Variants in MYO1D observed in about 807,000 individuals in gnomAD.
MYO1D encodes the protein myosin ID.
MYO1D carries 83 observed loss-of-function variants against 122.0 expected under a neutral mutation model. The observed-to-expected ratio is 0.68, with a 90% CI of 0.57 to 0.82. The LOEUF (loss-of-function observed/expected upper bound fraction) is 0.82. Among genes scored for constraint, MYO1D ranks in the 40% least tolerant of loss-of-function variants. The pLI is 0.00. For synonymous variants in MYO1D, 464 were observed against 446.9 expected (o/e 1.04, Z -0.48); for missense variants, 1,157 against 1,269.5 (o/e 0.91, Z 1.35).
intron 21 of MYO1D, among the ~76,000 whole-genome samples, chr17:32,600,985 T>C (rs2087555820): frequency 6.6e-6 from 1 of 151,850 alleles, no homozygotes; most frequent in African/African-American, 2.4e-5. Context: ...AAGGTCTTGT[T>C]CTGTCACCCA....
intron 20 of MYO1D, among the ~76,000 whole-genome samples, chr17:32,626,952 T>C (rs1370294991): frequency 6.6e-6 from 1 of 152,102 alleles, no homozygotes; most frequent in East Asian, 1.9e-4. Context: ...GCCATCAGAA[T>C]AAGAAAAAAA....
chr17:32,863,572 T>C (rs2091096280), intron 1 of MYO1D, among the ~76,000 whole-genome samples: 1 of 152,240 alleles, frequency 6.6e-6, no homozygotes, highest in South Asian at 2.1e-4. Flanking sequence ...TTTTAAAAGT[T>C]AATTTAGATC....
chr17:32,517,042 C>T (rs1909916963), intron 21 of MYO1D, among the ~76,000 whole-genome samples: 1 of 152,352 alleles, frequency 6.6e-6, no homozygotes, highest in South Asian at 2.1e-4. Context: ...GACACCACTG[C>T]TTTCTAAAGA....
intron 19 of MYO1D, among the ~76,000 whole-genome samples, chr17:32,652,827 C>T (rs941239922): frequency 6.6e-6 from 1 of 152,138 alleles, no homozygotes; most frequent in Non-Finnish European, 1.5e-5. Context: ...CTTCCTCTCC[C>T]AAACCCTGTT....
intron 1 of MYO1D, among the ~76,000 whole-genome samples, chr17:32,869,212 C>T (rs1196029338): frequency 1.3e-5 from 2 of 149,608 alleles, no homozygotes; most frequent in African/African-American, 5.1e-5. Context: ...GAGCGAGGCC[C>T]TGTCTCAAAA....
chr17:32,745,855 G>C (rs756582909), intron 12 of MYO1D, among the ~76,000 whole-genome samples: 1 of 152,192 alleles, frequency 6.6e-6, no homozygotes, highest in Non-Finnish European at 1.5e-5. Flanking sequence ...GTAAGGTCTT[G>C]AAAGTCCAGC....
At chr17:32,678,169 G>T (rs1199492552) in intron 16 of MYO1D, among the ~76,000 whole-genome samples, 1 of 151,826 alleles carries the variant, frequency 6.6e-6, no homozygotes, top group African/African-American at 2.4e-5. Context: ...TTTTCCTAGG[G>T]TTAAATCCTT....
chr17:32,668,667 G>A (rs1281063977), intron 16 of MYO1D, among the ~76,000 whole-genome samples: 1 of 151,638 alleles, frequency 6.6e-6, no homozygotes, highest in Non-Finnish European at 1.5e-5. Context: ...GATTCATGGT[G>A]TACATTAGCA....
At chr17:32,656,616 G>A (rs1009944175) in intron 17 of MYO1D, among the ~76,000 whole-genome samples, 2 of 152,204 alleles carry the variant, frequency 1.3e-5, no homozygotes, top group African/African-American at 2.4e-5. Flanking sequence ...CAACAACCAT[G>A]AAGAAGTCAT....
At chr17:32,619,118 A>G (rs1427705821) in intron 20 of MYO1D, among the ~76,000 whole-genome samples, 1 of 152,164 alleles carries the variant, frequency 6.6e-6, no homozygotes, top group Non-Finnish European at 1.5e-5. Flanking sequence ...AATCCCAAAT[A>G]GACTGCTCTG....
chr17:32,755,716 T>G, intron 10 of MYO1D, 54 bp from the exon 11 acceptor site: 278 of 1,493,860 alleles, frequency 1.9e-4, no homozygotes, highest in Non-Finnish European at 2.3e-4. Context: ...CAGGCCAGGT[T>G]AAACCCTGAT....
At chr17:32,703,149 A>G (rs544706108) in intron 16 of MYO1D, among the ~76,000 whole-genome samples, 5 of 152,298 alleles carry the variant, frequency 3.3e-5, no homozygotes, top group African/African-American at 1.2e-4. Context: ...TCCTAGAGCT[A>G]CAATCAAAGC....
intron 21 of MYO1D, among the ~76,000 whole-genome samples, chr17:32,521,509 T>A (rs1910137511): frequency 6.6e-6 from 1 of 152,234 alleles, no homozygotes; most frequent in African/African-American, 2.4e-5. Context: ...TTAGTAGCCA[T>A]AGCGTCAAGG....
intron 7 of MYO1D, 28 bp downstream of exon 7, chr17:32,767,608 A>G (rs373134865): frequency 1.7e-5 from 24 of 1,429,718 alleles, no homozygotes; most frequent in Non-Finnish European, 2.1e-5. Context: ...GCAGAAGACA[A>G]TACATTCTGA....
chr17:32,582,453 T>C (rs946971894), intron 21 of MYO1D, among the ~76,000 whole-genome samples: 1 of 152,220 alleles, frequency 6.6e-6, no homozygotes, highest in Non-Finnish European at 1.5e-5. Context: ...TGGCTCCCAA[T>C]TATTTAGGAA....
chr17:32,772,691 A>G (rs937294688), intron 5 of MYO1D, 98 bp downstream of exon 5: 3 of 972,542 alleles, frequency 3.1e-6, no homozygotes, highest in African/African-American at 1.6e-5. Flanking sequence ...GCCAATGGAG[A>G]TGAGTGATGC....
At position 32,826,439 on chromosome 17, in the gene MYO1D, T is replaced by A. The variant is rs140553544; in HGVS notation, c.96-45655A>T. Among the ~76,000 whole-genome samples the A allele has an allele frequency of 7.2e-5, 11 of 152,328 alleles. No individual in the cohort carries two copies. The East Asian group carries it at 1.7e-3, about 24-fold the overall frequency. On this transcript the variant is annotated intron_variant, in intron 1 of 21. Transcript: ENST00000318217. ...TTCTTACAGTAGCCAGCTTACTACC[T>A]TAAAAAGAATAGGAGCTTAAATATT...
intron 11 of MYO1D, among the ~76,000 whole-genome samples, chr17:32,754,916 A>G (rs75825000): frequency 1.5e-5 from 1 of 67,088 alleles, no homozygotes; most frequent in African/African-American, 3.2e-5. Flanking sequence ...TACTACAGAT[A>G]TGTGATCTGT....
chr17:32,756,607 T>C (rs2089949907), intron 10 of MYO1D, among the ~76,000 whole-genome samples: 1 of 151,596 alleles, frequency 6.6e-6, no homozygotes, highest in African/African-American at 2.4e-5. Flanking sequence ...GCATTTTTAG[T>C]TACATGACCC....
Sources: gnomAD v4.1 joint callset for allele counts (sites outside exome capture counted in the v4.1 genomes callset) on GRCh38, gnomAD v4.1.1 for gene constraint, MANE v1.5 for transcripts, NCBI Gene and HGNC (gene_info 2026-07-23, HGNC 2026-07-21) for gene names.